MVB12A: variants seen among roughly 807,000 people sequenced by gnomAD.
MVB12A encodes multivesicular body subunit 12A.
Under a neutral mutation model 34.3 loss-of-function variants are expected in MVB12A, and 30 were observed. The observed-to-expected ratio is 0.88, with a 90% confidence interval of 0.65 to 1.19. The LOEUF is 1.19. Ranked by LOEUF, MVB12A falls within the 50% of genes most tolerant of loss-of-function variation. The pLI is 0.00. For missense variants in MVB12A, 355 were observed against 369.2 expected (o/e 0.96, Z 0.31); for synonymous variants, 158 against 158.9 (o/e 0.99, Z 0.04).
chr19:17,410,506 A>G (rs376839145), intron 2 of MVB12A, among the ~76,000 whole-genome samples: 1,781 of 41,308 alleles, frequency 0.043, 160 homozygotes, highest in African/African-American at 0.11. Context: ...TCATATATAT[A>G]TATATATATA....
intron 1 of MVB12A, 41 bp from the exon 2 acceptor site, chr19:17,420,272 G>A (rs376262904): frequency 9.7e-6 from 15 of 1,552,160 alleles, no homozygotes; most frequent in Non-Finnish European, 1.3e-5. Context: ...GGCAGTCGCT[G>A]TGGGGTGGGA....
rs1001224664 is a variant in MVB12A, at chr19:17,423,741, A to G, written c.582A>G (p.Ala194=). ...ERTASRLGSR[A]STLRRNDSIY... is the part of the protein sequence containing the mutation. The stretch of plus-strand genomic sequence containing the variant: ...CAGCGTCAAGGCTGGGCTCTCGGGC[A>G]TCCACTCTGCGGAGGAATGACTCCA... The change falls in exon 6 of 9, where the codon GCA becomes GCG. Residue 194 remains alanine, a synonymous_variant. Transcript: ENST00000317040. 1.2e-6 allele frequency: 2 copies of G among 1,613,968 alleles called. No individual in the cohort carries two copies. Among genetic ancestry groups the G allele is most frequent in the African/African-American group, 1.3e-5 (1 of 75,044 alleles).
rs748576877 is a variant in MVB12A, at chr19:17,425,008, G to T, written c.*15G>T. The T allele has an allele frequency of 1.9e-6, 3 of 1,559,972 alleles. No homozygotes were observed. Among genetic ancestry groups the T allele is most frequent in the Admixed American group, 1.8e-5 (1 of 55,602 alleles). Reference sequence around the variant, plus strand: ...GCGTCTCATAGTCCCTCACCCTTCCGCGGAAAGAGCCCCCTTACTCCACCT... The same window carrying T: ...GCGTCTCATAGTCCCTCACCCTTCCTCGGAAAGAGCCCCCTTACTCCACCT... On this transcript the variant is annotated 3_prime_UTR_variant, in exon 9 of 9. Transcript: ENST00000317040.
At chr19:17,419,985 A>G, upstream of MVB12A, 1 of 413,536 alleles carries the variant, frequency 2.4e-6, no homozygotes, top group Non-Finnish European at 4.1e-6. Flanking sequence ...CTCCTCGGGC[A>G]CGCGTATACT....
upstream of MVB12A, chr19:17,417,213 C>CTTTTT (rs35583565): frequency 1.0e-3 from 101 of 97,014 alleles, 13 homozygotes; most frequent in African/African-American, 2.7e-3. Flanking sequence ...TCACCCAGAG[C>CTTTTT]TTTTTTTTTT....
At chr19:17,424,302 CTGGG>C in intron 7 of MVB12A, among the ~76,000 whole-genome samples, 1 of 151,982 alleles carries the variant, frequency 6.6e-6, no homozygotes, top group South Asian at 2.1e-4. Context: ...GGGAGGGATG[CTGGG>C]CATGGTGGCT....
intron 2 of MVB12A, among the ~76,000 whole-genome samples, chr19:17,412,696 T>C (rs1191923595): frequency 6.6e-6 from 1 of 152,156 alleles, no homozygotes; most frequent in African/African-American, 2.4e-5. Flanking sequence ...AAATAGGCGG[T>C]GAGATTTCTC....
At chr19:17,420,498 G>A (rs774870400) in intron 2 of MVB12A, 40 bp from the exon 3 acceptor site, 5 of 1,584,176 alleles carry the variant, frequency 3.2e-6, no homozygotes, top group Non-Finnish European at 4.3e-6. Flanking sequence ...CGCTGTCCCC[G>A]CTGCTAGCCA....
At chr19:17,423,421 C>T in intron 4 of MVB12A, 77 bp from the exon 5 acceptor site, 2 of 1,523,622 alleles carry the variant, frequency 1.3e-6, no homozygotes, top group Non-Finnish European at 1.8e-6. Context: ...CCCGGGTCCC[C>T]CGCCTTCTCC....
At chr19:17,418,887 C>CAAAAAAAAAA (rs55726391), upstream of MVB12A, 14 of 82,142 alleles carry the variant, frequency 1.7e-4, 2 homozygotes, top group African/African-American at 5.1e-4. Flanking sequence ...ATTGTAAGTC[C>CAAAAAAAAAA]AAAAAAAAAA....
upstream of MVB12A, chr19:17,420,016 C>CT (rs1555735860): frequency 0.63 from 183,699 of 290,072 alleles, 54,407 homozygotes; most frequent in Middle Eastern, 0.66. Flanking sequence ...GCAATCTCCG[C>CT]CCCCCCCCCC....
intron 3 of MVB12A, chr19:17,421,209 A>G (rs10403215): frequency 0.037 from 12,648 of 341,342 alleles, 799 homozygotes; most frequent in African/African-American, 0.21. Flanking sequence ...CTTCAGACGG[A>G]GTTTCGCTCT....
rs779986939 is a variant in MVB12A at position 17,420,212 on chromosome 19, G to A, written c.77G>A (p.Arg26Gln). ...AWSSASAPPP[R>Q]GFSAISCTVE... ...TCGTCGGCCTCTGCACCCCCGCCGC[G>A]GGGGTTCAGCGCGGTGAGCGGCGTC... The change falls in exon 1 of 9, where the codon CGG becomes CAG. Residue 26 changes from arginine (R) to glutamine (Q), a missense_variant. Physicochemically the swap from Arg to Gln is conservative, Grantham distance 43. Transcript: ENST00000317040. 19 of 1,474,816 alleles carry A rather than the reference G, an allele frequency of 1.3e-5. No homozygotes were observed. The highest frequency in any genetic ancestry group is 2.9e-5 in the South Asian group (2 of 70,012). 91.4% of individuals were successfully genotyped at this position (1,474,816 alleles called of 1,614,324 possible). A position where few individuals can be genotyped will look rare whatever the true frequency, so the allele number is the denominator to read the frequency against.
chr19:17,408,365 A>C (rs908496064), intron 2 of MVB12A, among the ~76,000 whole-genome samples: 9 of 150,936 alleles, frequency 6.0e-5, no homozygotes, highest in Non-Finnish European at 1.0e-4. Context: ...ACATAGAGAG[A>C]TCCTATCCCT....
At chr19:17,406,591 A>G (rs888583794) in intron 2 of MVB12A, among the ~76,000 whole-genome samples, 2 of 151,900 alleles carry the variant, frequency 1.3e-5, no homozygotes, top group East Asian at 3.9e-4. Flanking sequence ...GCCTCCCAGA[A>G]GGCCTGGGGA....
chr19:17,409,161 C>T (rs973764134), intron 2 of MVB12A, among the ~76,000 whole-genome samples: 1 of 149,914 alleles, frequency 6.7e-6, no homozygotes, highest in African/African-American at 2.5e-5. Context: ...AATATATTCT[C>T]CCTCTGTCAC....
At chr19:17,411,652 C>T (rs1424853600) in intron 2 of MVB12A, among the ~76,000 whole-genome samples, 1 of 152,072 alleles carries the variant, frequency 6.6e-6, no homozygotes, top group Non-Finnish European at 1.5e-5. Context: ...ACCACCATCA[C>T]GCCCAGCTAA....
chr19:17,420,829 T>C (rs955393678), intron 3 of MVB12A, 195 bp downstream of exon 3: 1 of 644,106 alleles, frequency 1.6e-6, no homozygotes, highest in African/African-American at 1.8e-5. Flanking sequence ...ATGTGTGATA[T>C]GATTGGCACA....
At chr19:17,418,641 C>T (rs952109369), upstream of MVB12A, among the ~76,000 whole-genome samples, 7 of 150,380 alleles carry the variant, frequency 4.7e-5, no homozygotes, top group Admixed American at 1.3e-4. Flanking sequence ...CCGCCCGCCT[C>T]GGCCTCCCAA....
Sources: allele counts gnomAD v4.1 joint callset (sites outside exome capture counted in the v4.1 genomes callset), GRCh38; gene constraint gnomAD v4.1.1; transcripts MANE v1.5; gene names NCBI Gene and HGNC (gene_info 2026-07-23, HGNC 2026-07-21).